The following C16orf74 variants were observed in gnomAD, a reference collection of about 807,000 sequenced individuals.
The protein encoded by C16orf74 is calcimembrin, also known as uncharacterized protein C16orf74.
Under a neutral mutation model 6.5 loss-of-function variants are expected in C16orf74, and 10 were observed. The ratio of observed to expected loss-of-function variants is 1.54; its 90% CI spans 0.95 to 2.61. The LOEUF is 2.61. Among genes scored for constraint, C16orf74 ranks in the 30% most tolerant of loss-of-function variants. The probability of loss-of-function intolerance (pLI) is 0.00; values close to 1 mark genes in which losing one functional copy is unlikely to be tolerated. For missense variants in C16orf74, 141 were observed against 105.9 expected (o/e 1.33, Z -1.45); for synonymous variants, 60 against 42.5 (o/e 1.41, Z -1.60).
At chr16:85,708,484 G>A (rs2152056984) in intron 3 of C16orf74, among the ~76,000 whole-genome samples, 1 of 152,288 alleles carries the variant, frequency 6.6e-6, no homozygotes, top group South Asian at 2.1e-4. Flanking sequence ...CAGTACTGGG[G>A]TGCAGGAGGC....
intron 2 of C16orf74, among the ~76,000 whole-genome samples, chr16:85,714,378 A>G (rs1213583261): frequency 7.0e-6 from 1 of 142,164 alleles, no homozygotes; most frequent in Non-Finnish European, 1.5e-5. Flanking sequence ...TGGAAGACCT[A>G]TTATTTATTT....
intron 2 of C16orf74, among the ~76,000 whole-genome samples, chr16:85,727,707 G>A (rs546209631): frequency 6.6e-6 from 1 of 152,198 alleles, no homozygotes; most frequent in Admixed American, 6.5e-5. Context: ...CTAGCTACTT[G>A]GGAGGCTGAG....
chr16:85,733,892 G>A (rs750180787), intron 2 of C16orf74, among the ~76,000 whole-genome samples: 49 of 152,180 alleles, frequency 3.2e-4, no homozygotes, highest in Non-Finnish European at 5.4e-4. Flanking sequence ...GGTGTTGGAG[G>A]AGCTGTCAAT....
Position 85,737,045 on chromosome 16 carries a change from GA to G in C16orf74, c.-18-1811del, listed in dbSNP as rs915706773. Among the ~76,000 whole-genome samples the G allele has an allele frequency of 1.6e-3, 238 of 146,224 alleles. 2 individuals carry two copies. The highest frequency in any genetic ancestry group is 5.0e-3 in the African/African-American group (202 of 40,088). On this transcript the variant is annotated intron_variant, in intron 1 of 3. Coordinates refer to ENST00000284245, the MANE Select transcript of C16orf74 (RefSeq NM_206967.3). ...GCGACAGAGTGAGACTTCATCTCGAGAAAAAAAAAAATGTAAAAAGGGGTGA... is the reference window on the plus strand; with the variant it reads ...GCGACAGAGTGAGACTTCATCTCGAGAAAAAAAAAATGTAAAAAGGGGTGA...
chr16:85,715,030 G>C (rs961756684), intron 2 of C16orf74, among the ~76,000 whole-genome samples: 52 of 151,704 alleles, frequency 3.4e-4, no homozygotes, highest in African/African-American at 1.3e-3. Context: ...GGTGGCGGGC[G>C]CCTGTAGTCC....
At chr16:85,740,152 G>T (rs2054287712) in intron 1 of C16orf74, among the ~76,000 whole-genome samples, 1 of 145,520 alleles carries the variant, frequency 6.9e-6, no homozygotes, top group African/African-American at 2.6e-5. Flanking sequence ...AGAGGTTGTA[G>T]GGAGCCGAGA....
chr16:85,709,709 G>C (rs962450238), intron 3 of C16orf74, among the ~76,000 whole-genome samples: 1 of 152,100 alleles, frequency 6.6e-6, no homozygotes, highest in African/African-American at 2.4e-5. Flanking sequence ...CTATTTCCTC[G>C]CCGCTCCCAG....
intron 1 of C16orf74, among the ~76,000 whole-genome samples, chr16:85,738,927 A>C (rs992682168): frequency 6.6e-6 from 1 of 152,200 alleles, no homozygotes; most frequent in Non-Finnish European, 1.5e-5. Context: ...AACTTGCCTA[A>C]GGTCATCTGG....
intron 1 of C16orf74, among the ~76,000 whole-genome samples, chr16:85,750,396 G>T (rs1187572286): frequency 6.6e-6 from 1 of 152,228 alleles, no homozygotes; most frequent in East Asian, 1.9e-4. Flanking sequence ...AGGAGAAGGA[G>T]CGCGTGCGTC....
At chr16:85,724,242 G>A (rs750894537) in intron 2 of C16orf74, among the ~76,000 whole-genome samples, 1 of 152,210 alleles carries the variant, frequency 6.6e-6, no homozygotes, top group African/African-American at 2.4e-5. Flanking sequence ...GACCCCCGGT[G>A]GGACCGTGAG....
intron 2 of C16orf74, among the ~76,000 whole-genome samples, chr16:85,727,890 G>C (rs1194960428): frequency 1.4e-5 from 2 of 147,664 alleles, no homozygotes; most frequent in Non-Finnish European, 3.0e-5. Flanking sequence ...TGAAATCCTA[G>C]CACCTTGGGA....
intron 2 of C16orf74, among the ~76,000 whole-genome samples, chr16:85,716,624 A>AGAG (rs146085962): frequency 7.0e-6 from 1 of 143,274 alleles, no homozygotes; most frequent in South Asian, 2.3e-4. Flanking sequence ...GAAGAGGAAG[A>AGAG]GAGGAGGAGG....
At chr16:85,750,549 C>G (rs1355508958) in intron 1 of C16orf74, among the ~76,000 whole-genome samples, 1 of 152,244 alleles carries the variant, frequency 6.6e-6, no homozygotes, top group African/African-American at 2.4e-5. Context: ...CTCCTGCCCC[C>G]GCCCCCCGCC....
chr16:85,733,160 T>C (rs2054208420), intron 2 of C16orf74, among the ~76,000 whole-genome samples: 1 of 152,196 alleles, frequency 6.6e-6, no homozygotes, highest in African/African-American at 2.4e-5. Context: ...CCAGTGTCCA[T>C]CGTTGGAGAA....
chr16:85,743,894 A>C (rs999633959), intron 1 of C16orf74, among the ~76,000 whole-genome samples: 4 of 152,146 alleles, frequency 2.6e-5, no homozygotes, highest in Non-Finnish European at 5.9e-5. Context: ...TCTACTAAAA[A>C]TACAAAAAAA....
intron 2 of C16orf74, among the ~76,000 whole-genome samples, chr16:85,734,096 T>C (rs1300580052): frequency 6.6e-6 from 1 of 152,164 alleles, no homozygotes; most frequent in East Asian, 1.9e-4. Flanking sequence ...TTCCAGTAAA[T>C]TCCTTGTTAA....
At chr16:85,708,900 C>G (rs1050921353) in intron 3 of C16orf74, among the ~76,000 whole-genome samples, 1 of 152,236 alleles carries the variant, frequency 6.6e-6, no homozygotes, top group African/African-American at 2.4e-5. Context: ...CAGCGAGACC[C>G]ATGTCATGAT....
chr16:85,719,839 C>T (rs1346800028), intron 2 of C16orf74, among the ~76,000 whole-genome samples: 1 of 142,866 alleles, frequency 7.0e-6, no homozygotes, highest in Non-Finnish European at 1.5e-5. Context: ...ACATAGGGGC[C>T]ACAGGCCACA....
At chr16:85,726,251 T>C (rs1267523450) in intron 2 of C16orf74, among the ~76,000 whole-genome samples, 1 of 152,304 alleles carries the variant, frequency 6.6e-6, no homozygotes, top group Middle Eastern at 3.4e-3. Context: ...CTCTCCCCCA[T>C]GGACAGGAGC....
Sources: allele counts gnomAD v4.1 joint callset (sites outside exome capture counted in the v4.1 genomes callset), GRCh38; gene constraint gnomAD v4.1.1; transcripts MANE v1.5; gene names NCBI Gene and HGNC (gene_info 2026-07-23, HGNC 2026-07-21).